The following KARS1 variants were observed in gnomAD, a reference collection of about 807,000 sequenced individuals.
The protein encoded by KARS1 is lysyl-tRNA synthetase 1, also known as lysine--tRNA ligase.
Under a neutral mutation model 63.9 loss-of-function variants are expected in KARS1, and 50 were observed. The ratio of observed to expected loss-of-function variants is 0.78; its 90% CI spans 0.62 to 0.99. The LOEUF (loss-of-function observed/expected upper bound fraction) is 0.99, where lower values mean the gene tolerates loss of function less well. KARS1 is among the 50% of genes least tolerant of loss of function. The pLI is 0.00. For missense variants in KARS1, 816 were observed against 754.5 expected, an observed-to-expected ratio of 1.08 and a Z score of -0.95; for synonymous variants, 320 against 264.6, an observed-to-expected ratio of 1.21 and a Z score of -2.03.
chr16:75,639,571 C>CAAAAAAA (rs35021757), intron 3 of KARS1, among the ~76,000 whole-genome samples: 1 of 79,814 alleles, frequency 1.3e-5, no homozygotes. Context: ...GACTATATCT[C>CAAAAAAA]AAAAAAAAAA....
rs569862126 is a variant in KARS1 at position 75,639,147 on chromosome 16, G to C, written c.388+1037C>G. On this transcript the variant is annotated intron_variant, in intron 3 of 13. Transcript: ENST00000302445. ...TGCGCCATTGCACTACAGCCTGGGG[G>C]ACAAGAGCAAGACTTCGCCTCAAAA... Among the ~76,000 whole-genome samples the C allele has an allele frequency of 6.6e-5, 10 of 151,834 alleles. 1 individual carries two copies. Among genetic ancestry groups the C allele is most frequent in the African/African-American group, 2.2e-4 (9 of 41,382 alleles).
chr16:75,636,090 T>C lies in KARS1; in HGVS notation c.491A>G (p.Lys164Arg), dbSNP rs2082159172. Residue 164 changes from lysine (K) to arginine (R), a missense_variant, in exon 5 of 14, where the codon AAA becomes AGA. By Grantham distance (26) the Lys-to-Arg change is conservative (BLOSUM62 2). Transcript: ENST00000302445. ...AATATGAATAAATTCTTCTTCTGAT[T>C]TATAATTTCTGAGTGAAAAAGAAAT... The part of the protein sequence containing the change: ...LQVMANSRNY[K>R]SEEEFIHINN... 1 of 1,567,864 alleles carries C rather than the reference T, an allele frequency of 6.4e-7. No homozygotes were observed. Among genetic ancestry groups the C allele is most frequent in the South Asian group, 1.1e-5 (1 of 89,918 alleles).
At chr16:75,631,892 TC>T in intron 7 of KARS1, 37 bp from the exon 8 acceptor site, 3 of 1,607,954 alleles carry the variant, frequency 1.9e-6, no homozygotes, top group Non-Finnish European at 2.6e-6. Flanking sequence ...TGACAGCTAA[TC>T]TTTTTTTTTT....
rs942325233 is a variant in KARS1, at chr16:75,647,643, C to T, written c.-4G>A. ...CGGCCGCCTGCACGGCCGCCATCTT[C>T]CCGGAGGGCCCGACCCAAAAGTAAG... On this transcript the variant is annotated 5_prime_UTR_variant, in exon 1 of 14. Transcript: ENST00000302445. 1.1e-5 allele frequency: 18 copies of T among 1,613,758 alleles called. No individual in the cohort carries two copies. In the Admixed American group the frequency reaches 1.8e-4, roughly 16 times the overall value.
chr16:75,633,164 C>G (rs2082130238), intron 7 of KARS1, among the ~76,000 whole-genome samples: 1 of 152,188 alleles, frequency 6.6e-6, no homozygotes, highest in Non-Finnish European at 1.5e-5. Context: ...GTTGTTAATT[C>G]TATACTAAAT....
At chr16:75,645,052 C>T (rs945050868) in intron 1 of KARS1, among the ~76,000 whole-genome samples, 3 of 152,150 alleles carry the variant, frequency 2.0e-5, no homozygotes, top group African/African-American at 7.2e-5. Flanking sequence ...CCTTCTTTAC[C>T]GTGTTCAAAT....
Position 75,640,217 on chromosome 16 carries a change from C to A in KARS1, c.355G>T (p.Asp119Tyr), listed in dbSNP as rs774568575. The A allele has an allele frequency of 1.5e-5, 24 of 1,614,052 alleles. No individual in the cohort carries two copies. The highest frequency in any genetic ancestry group is 1.9e-5 in the Non-Finnish European group (22 of 1,179,962). ...IQKYSHLQPG[D>Y]HLTDITLKVA... is the part of the protein sequence containing the mutation. ...TTTAAGGTGATGTCAGTCAGGTGAT[C>A]CCCAGGCTGCAGGTGACTATATTTT... is the stretch of plus-strand genomic sequence containing the variant. The change falls in exon 3 of 14, where the codon GAT (aspartate) becomes TAT (tyrosine). Residue 119 changes from aspartate (D) to tyrosine (Y), a missense_variant. By Grantham distance (160) the Asp-to-Tyr change is radical (BLOSUM62 -3). Coordinates refer to ENST00000302445, the MANE Select transcript of KARS1 (RefSeq NM_005548.3).
At chr16:75,639,967 C>G (rs571018717) in intron 3 of KARS1, 3 of 578,934 alleles carry the variant, frequency 5.2e-6, no homozygotes, top group African/African-American at 3.7e-5. Context: ...ATAGAGAAAG[C>G]CCCTCTCTTT....
intron 12 of KARS1, 143 bp downstream of exon 12, chr16:75,629,272 G>C: frequency 4.1e-6 from 4 of 976,106 alleles, no homozygotes; most frequent in South Asian, 3.9e-5. Context: ...TCACCATCTT[G>C]AAATGTGACT....
rs1282741866 is a variant in KARS1 at position 75,628,699 on chromosome 16, C to A, written c.1565G>T (p.Gly522Val). 6.2e-7 allele frequency: 1 copy of A among 1,614,230 alleles called. No homozygotes were observed. The highest frequency in any genetic ancestry group is 2.2e-5 in the East Asian group (1 of 44,884). Reference sequence around the variant, plus strand: ...ATCTATGAACATGGCCTCATCATCACCTGCAGCCTTGGCCTAGAAGAGGAA... The same window carrying A: ...ATCTATGAACATGGCCTCATCATCAACTGCAGCCTTGGCCTAGAAGAGGAA... ...FEEQAKAKAA[G>V]DDEAMFIDEN... Residue 522 changes from glycine (G) to valine (V), a missense_variant, in exon 13 of 14, where the codon GGT (glycine) becomes GTT (valine). Physicochemically the swap from Gly to Val is moderately radical, Grantham distance 109 (BLOSUM62 -3). Coordinates refer to ENST00000302445, the MANE Select transcript of KARS1 (RefSeq NM_005548.3).
intron 1 of KARS1, among the ~76,000 whole-genome samples, chr16:75,643,674 T>C (rs1401070961): frequency 6.6e-6 from 1 of 152,172 alleles, no homozygotes; most frequent in Non-Finnish European, 1.5e-5. Flanking sequence ...CCACCACGCC[T>C]GGCCGAATCT....
intron 1 of KARS1, among the ~76,000 whole-genome samples, chr16:75,646,911 G>A (rs1423639424): frequency 6.6e-6 from 1 of 152,158 alleles, no homozygotes; most frequent in Non-Finnish European, 1.5e-5. Flanking sequence ...GAACGCTAAT[G>A]AGAATATAAG....
At chr16:75,629,701 G>A (rs559283116) in intron 11 of KARS1, among the ~76,000 whole-genome samples, 160 bp from the exon 12 acceptor site, 6 of 152,330 alleles carry the variant, frequency 3.9e-5, no homozygotes, top group African/African-American at 1.4e-4. Context: ...CTGGGTTCAA[G>A]CACTTCTCCT....
chr16:75,638,143 TAGA>T (rs1315630845), intron 3 of KARS1, among the ~76,000 whole-genome samples: 2 of 151,316 alleles, frequency 1.3e-5, no homozygotes, highest in Non-Finnish European at 2.9e-5. Context: ...AATGGAGAGA[TAGA>T]AGGAGAATAA....
At position 75,634,301 on chromosome 16, in the gene KARS1, G is replaced by C; in HGVS notation, c.796-9C>G. The C allele has an allele frequency of 6.2e-7, 1 of 1,613,726 alleles. No homozygotes were observed. Among genetic ancestry groups the C allele is most frequent in the Non-Finnish European group, 8.5e-7 (1 of 1,179,802 alleles). ...ATCATGGGAGTTTCAATCTAAAAAAGGCAGGGAGAAACATCAGTCCTTAGA... is the reference window on the plus strand; with the variant it reads ...ATCATGGGAGTTTCAATCTAAAAAACGCAGGGAGAAACATCAGTCCTTAGA... On this transcript the variant is annotated splice_polypyrimidine_tract_variant and intron_variant, in intron 6 of 13. Transcript: ENST00000302445.
chr16:75,631,485 T>G lies in KARS1; in HGVS notation c.1183A>C (p.Asn395His), dbSNP rs1244702949. ...VDFTPPFRRINMVEELEKALG... is the reference protein window; with the variant it reads ...VDFTPPFRRIHMVEELEKALG... Reference sequence around the variant, plus strand: ...GCTTTCTCAAGCTCTTCTACCATGTTGATTCGCCGGAAGGGTGGGGTGAAG... The same window carrying G: ...GCTTTCTCAAGCTCTTCTACCATGTGGATTCGCCGGAAGGGTGGGGTGAAG... The change falls in exon 9 of 14, where the codon AAC becomes CAC. Residue 395 changes from asparagine to histidine, a missense_variant. Physicochemically the swap from Asn to His is moderately conservative, Grantham distance 68. Transcript: ENST00000302445. 6.2e-7 allele frequency: 1 copy of G among 1,614,226 alleles called. No homozygotes were observed. Among genetic ancestry groups the G allele is most frequent in the Non-Finnish European group, 8.5e-7 (1 of 1,180,040 alleles).
intron 1 of KARS1, 97 bp from the exon 2 acceptor site, chr16:75,641,820 G>C (rs1045089092): frequency 4.1e-5 from 53 of 1,297,858 alleles, no homozygotes; most frequent in Non-Finnish European, 5.8e-5. Flanking sequence ...TCGCCCAGGA[G>C]AAACGCTCTT....
intron 1 of KARS1, chr16:75,644,289 T>G: frequency 6.2e-7 from 1 of 1,600,060 alleles, no homozygotes; most frequent in Non-Finnish European, 8.5e-7. Flanking sequence ...CAACCTTCTT[T>G]GATCAGAAAA....
Position 75,627,778 on chromosome 16 carries a change from G to T in KARS1, c.*117C>A. On this transcript the variant is annotated 3_prime_UTR_variant, in exon 14 of 14. Coordinates refer to ENST00000302445, the MANE Select transcript of KARS1 (RefSeq NM_005548.3). Reference sequence around the variant, plus strand: ...TTTAATTCCTTGTCTCTCTTCTGATGGCTGAACAGAACTGCGGTGTCAAAT... The same window carrying T: ...TTTAATTCCTTGTCTCTCTTCTGATTGCTGAACAGAACTGCGGTGTCAAAT... 1 of 765,014 alleles carries T rather than the reference G, an allele frequency of 1.3e-6. No homozygotes were observed. Among genetic ancestry groups the T allele is most frequent in the Non-Finnish European group, 2.4e-6 (1 of 412,876 alleles). 47.4% of individuals were successfully genotyped at this position (765,014 alleles called of 1,614,324 possible). A position where few individuals can be genotyped will look rare whatever the true frequency, so the allele number is the denominator to read the frequency against.
Sources: gnomAD v4.1 joint callset for allele counts (sites outside exome capture counted in the v4.1 genomes callset) on GRCh38, gnomAD v4.1.1 for gene constraint, MANE v1.5 for transcripts, NCBI Gene and HGNC (gene_info 2026-07-23, HGNC 2026-07-21) for gene names.